Variants in MTERF4 observed in about 807,000 individuals in gnomAD.
MTERF4 encodes transcription termination factor 4, mitochondrial.
In MTERF4, 17 loss-of-function variants were observed where a neutral mutation model predicts 22.5. That is an observed-to-expected ratio of 0.75 (90% confidence interval 0.52 to 1.13). The LOEUF is 1.13. MTERF4 is among the 50% of genes most tolerant of loss of function. MTERF4 has a pLI of 0.00. For synonymous variants in MTERF4, 165 were observed against 175.3 expected (o/e 0.94, Z 0.47); for missense variants, 420 against 466.8 (o/e 0.90, Z 0.92).
downstream of MTERF4, chr2:241,089,473 C>T (rs1403934055): frequency 6.6e-6 from 10 of 1,521,494 alleles, no homozygotes; most frequent in South Asian, 5.0e-5. Flanking sequence ...GTGTCCACAC[C>T]CCCTTGGGGG....
downstream of MTERF4, chr2:241,069,091 C>A: frequency 1.8e-6 from 2 of 1,098,290 alleles, no homozygotes; most frequent in Non-Finnish European, 2.6e-6. This position sits in a 1 kb window ranked among gnomAD's most constrained non-coding sequence, Gnocchi z 4.9. Flanking sequence ...TTCCTTCCAG[C>A]CTCCCCTAGT....
chr2:241,055,579 C>G, the MTERF4 span, among the ~76,000 whole-genome samples: 2 of 152,148 alleles, frequency 1.3e-5, no homozygotes, highest in African/African-American at 4.8e-5. Context: ...ATCTTTTCAC[C>G]TATTAAAGAG....
chr2:241,065,838 G>T, the MTERF4 span, among the ~76,000 whole-genome samples: 7 of 152,248 alleles, frequency 4.6e-5, no homozygotes, highest in Admixed American at 4.6e-4. Context: ...CCAAGAGTGG[G>T]AGCAGCACAA....
At chr2:241,080,913 C>T (rs2063297012) in intron 4 of MTERF4, among the ~76,000 whole-genome samples, 1 of 152,242 alleles carries the variant, frequency 6.6e-6, no homozygotes, top group African/African-American at 2.4e-5. Flanking sequence ...CACTCTCCAG[C>T]TGGTGAGGGC....
At chr2:241,055,870 A>C in the MTERF4 span, among the ~76,000 whole-genome samples, 1 of 152,212 alleles carries the variant, frequency 6.6e-6, no homozygotes. Context: ...GTTTAAAACC[A>C]ATCTTGAGCT....
chr2:241,071,361 GCTC>G (rs1293258711), downstream of MTERF4: 12 of 605,680 alleles, frequency 2.0e-5, no homozygotes, highest in African/African-American at 3.7e-5. Context: ...GCTGCGCATG[GCTC>G]CTCCTCAGAA....
the MTERF4 span, chr2:241,050,011 GTCTC>G: frequency 2.9e-6 from 3 of 1,045,634 alleles, no homozygotes; most frequent in Non-Finnish European, 4.5e-6. Context: ...CTTCTCTGCT[GTCTC>G]TCTCCTTGTT....
At chr2:241,062,847 G>A in the MTERF4 span, 8 of 1,611,702 alleles carry the variant, frequency 5.0e-6, no homozygotes, top group South Asian at 1.1e-5. Flanking sequence ...TCAGGACCGC[G>A]TTGCTGGGTA....
downstream of MTERF4, chr2:241,071,670 G>A (rs1226356946): frequency 1.9e-6 from 3 of 1,556,700 alleles, no homozygotes; most frequent in Non-Finnish European, 2.6e-6. Context: ...TGCCGGAGCT[G>A]CGCCTGCTCA....
chr2:241,051,053 G>A, the MTERF4 span, among the ~76,000 whole-genome samples: 2 of 152,186 alleles, frequency 1.3e-5, no homozygotes, highest in Non-Finnish European at 2.9e-5. The surrounding 1 kb of genome is among the most constrained non-coding windows in gnomAD (Gnocchi z 4.7). Context: ...CCAGAGCTTG[G>A]ACCTGCAGCG....
At chr2:241,065,125 C>T in the MTERF4 span, among the ~76,000 whole-genome samples, 1 of 152,062 alleles carries the variant, frequency 6.6e-6, no homozygotes, top group Non-Finnish European at 1.5e-5. Context: ...CACGGTCACA[C>T]ATTCAAAAGT....
chr2:241,096,362 AT>A lies in MTERF4; in HGVS notation c.781del (p.Ile261LeufsTer150), dbSNP rs2064423260. ...CTCCAGGTAAATGTGTCTCTGCTTA[AT>A]CTTGGTTAGTGAATACTGCAAGTAC... is the stretch of plus-strand genomic sequence containing the variant. ...SEYLQYSLTKIKQRHIYLERL... is the reference protein window; with the variant it reads ...SEYLQYSLTKXKQRHIYLERL... On this transcript the variant is annotated frameshift_variant, in exon 4 of 4. Transcript: ENST00000391980. LOFTEE classifies it low-confidence loss of function (END_TRUNC). The surrounding 1 kb of genome is among the most constrained non-coding windows in gnomAD (Gnocchi z 5.1). 1 of 1,614,038 alleles carries A rather than the reference AT, an allele frequency of 6.2e-7. No individual in the cohort carries two copies. The highest frequency in any genetic ancestry group is 8.5e-7 in the Non-Finnish European group (1 of 1,180,044).
In MTERF4 at chr2:241,096,837, A is replaced by G. The variant is rs528014998; in HGVS notation, c.706-399T>C. ...AAAATCGGACAACTGTTAAAATTACATTTTCAAAATCAACATGCAAAATAG... is the reference window on the plus strand; with the variant it reads ...AAAATCGGACAACTGTTAAAATTACGTTTTCAAAATCAACATGCAAAATAG... On this transcript the variant is annotated intron_variant, in intron 3 of 3. Coordinates refer to ENST00000391980, the MANE Select transcript of MTERF4 (RefSeq NM_182501.4). This position sits in a 1 kb window ranked among gnomAD's most constrained non-coding sequence, Gnocchi z 5.1. 10 of 546,338 alleles carry G rather than the reference A, an allele frequency of 1.8e-5. No homozygotes were observed. Among genetic ancestry groups the G allele is most frequent in the Admixed American group, 1.3e-4 (4 of 29,996 alleles). The allele number at this position is 546,338 out of a possible 1,614,324, so 33.8% of individuals were successfully genotyped here.
chr2:241,072,537 A>G lies in MTERF4; in HGVS notation n.3625T>C, dbSNP rs1021116076. 84 of 324,112 alleles carry G rather than the reference A, an allele frequency of 2.6e-4. 1 individual carries two copies. The highest frequency in any genetic ancestry group is 1.1e-3 in the Middle Eastern group (1 of 898). 20.1% of individuals were successfully genotyped at this position (324,112 alleles called of 1,614,324 possible). A position where few individuals can be genotyped will look rare whatever the true frequency, so the allele number is the denominator to read the frequency against. Reference sequence around the variant, plus strand: ...CTCATGGAACTCCCCAACAGAGCCTAGTCACCAGTTTAATGAACACGCTCT... The same window carrying G: ...CTCATGGAACTCCCCAACAGAGCCTGGTCACCAGTTTAATGAACACGCTCT... On this transcript the variant is annotated non_coding_transcript_exon_variant, in exon 5 of 5. Transcript: ENST00000464344.
intron 3 of MTERF4, 57 bp downstream of exon 3, chr2:241,097,186 C>A (rs1387221888): frequency 6.3e-7 from 1 of 1,582,386 alleles, no homozygotes; most frequent in South Asian, 1.1e-5. Flanking sequence ...TACGCTAATC[C>A]CATTACCAGT....
At chr2:241,052,800 TG>T in the MTERF4 span, among the ~76,000 whole-genome samples, 8 of 52,540 alleles carry the variant, frequency 1.5e-4, 1 homozygote, top group Admixed American at 2.8e-4. Flanking sequence ...AGGTAAGGCC[TG>T]GGGGGCCCAA....
downstream of MTERF4, chr2:241,088,730 G>T: frequency 2.8e-6 from 1 of 355,292 alleles, no homozygotes. Flanking sequence ...AGAGGCAGGG[G>T]GGTGGGCCCT....
the MTERF4 span, among the ~76,000 whole-genome samples, chr2:241,060,174 C>T: frequency 6.6e-6 from 1 of 151,590 alleles, no homozygotes; most frequent in Non-Finnish European, 1.5e-5. Flanking sequence ...AATGTAAAAG[C>T]TAAAACTATA....
At chr2:241,051,898 C>T in the MTERF4 span, 55 of 1,503,458 alleles carry the variant, frequency 3.7e-5, no homozygotes, top group African/African-American at 1.2e-4. The surrounding 1 kb of genome is among the most constrained non-coding windows in gnomAD (Gnocchi z 4.7). Context: ...GCAGGAACGA[C>T]GGGCCAGCCC....
Sources: gnomAD v4.1 joint callset for allele counts (sites outside exome capture counted in the v4.1 genomes callset) on GRCh38, gnomAD v4.1.1 for gene constraint, Gnocchi (gnomAD v3.1) non-coding constraint, MANE v1.5 for transcripts, NCBI Gene and HGNC (gene_info 2026-07-23, HGNC 2026-07-21) for gene names.